Variants in PRKCE observed in about 807,000 individuals in gnomAD.
PRKCE encodes the protein protein kinase C epsilon, also known as protein kinase C epsilon type.
Under a neutral mutation model 85.4 loss-of-function variants are expected in PRKCE, and 16 were observed. That is an observed-to-expected ratio of 0.19 (90% confidence interval 0.13 to 0.28). PRKCE has a LOEUF of 0.28. Ranked by LOEUF, PRKCE falls within the 10% of genes least tolerant of loss-of-function variation. The probability of loss-of-function intolerance (pLI) is 1.00; values close to 1 mark genes in which losing one functional copy is unlikely to be tolerated. For missense variants in PRKCE, 573 were observed against 975.2 expected (o/e 0.59, Z 5.49); for synonymous variants, 388 against 371.5 (o/e 1.04, Z -0.51).
intron 11 of PRKCE, among the ~76,000 whole-genome samples, chr2:46,110,638 A>G (rs1320421709): frequency 2.0e-5 from 3 of 151,076 alleles, no homozygotes; most frequent in African/African-American, 7.3e-5. Flanking sequence ...TTTTTTTTAA[A>G]GCGGCTTTTG....
At chr2:46,081,530 A>G (rs1370295194) in intron 10 of PRKCE, among the ~76,000 whole-genome samples, 2 of 152,212 alleles carry the variant, frequency 1.3e-5, no homozygotes, top group African/African-American at 2.4e-5. Flanking sequence ...GAATGCTACA[A>G]CAGAGAGTGT....
At chr2:45,700,976 G>C (rs1028302412) in intron 1 of PRKCE, among the ~76,000 whole-genome samples, 9 of 152,190 alleles carry the variant, frequency 5.9e-5, no homozygotes, top group Non-Finnish European at 1.2e-4. Context: ...CTTGGAGGGA[G>C]TGTGGCCTTG....
intron 11 of PRKCE, among the ~76,000 whole-genome samples, chr2:46,109,352 G>C (rs1387676866): frequency 6.6e-6 from 1 of 152,056 alleles, no homozygotes; most frequent in Non-Finnish European, 1.5e-5. Context: ...TATTTATTTA[G>C]ATCTTCCTTG....
intron 2 of PRKCE, among the ~76,000 whole-genome samples, chr2:45,959,057 C>T (rs138449982): frequency 4.6e-5 from 7 of 151,168 alleles, no homozygotes; most frequent in African/African-American, 7.3e-5. Context: ...AATTAAGTTG[C>T]GGGTAGTTCT....
chr2:46,138,481 A>G lies in PRKCE; in HGVS notation c.1593-6612A>G, dbSNP rs1675207469. On this transcript the variant is annotated intron_variant, in intron 11 of 14. Coordinates refer to ENST00000306156, the MANE Select transcript of PRKCE (RefSeq NM_005400.3). The surrounding 1 kb of genome is among the most constrained non-coding windows in gnomAD (Gnocchi z 4.2). ...GAGGATGCCAATTAGCAGGGTTGGT[A>G]GAGTCAGGATTCCCATCTCCTAGGA... 6.6e-6 allele frequency among the ~76,000 whole-genome samples: 1 copy of G among 152,174 alleles called. No homozygotes were observed. Among genetic ancestry groups the G allele is most frequent in the Non-Finnish European group, 1.5e-5 (1 of 68,022 alleles).
intron 1 of PRKCE, among the ~76,000 whole-genome samples, chr2:45,811,097 C>G (rs1328683235): frequency 2.0e-5 from 3 of 152,152 alleles, no homozygotes; most frequent in Non-Finnish European, 4.4e-5. Flanking sequence ...CACCTAGTTA[C>G]AAGGGAGGTT....
At chr2:45,918,056 C>T (rs1401926479) in intron 2 of PRKCE, among the ~76,000 whole-genome samples, 3 of 152,234 alleles carry the variant, frequency 2.0e-5, no homozygotes, top group African/African-American at 7.2e-5. Flanking sequence ...GGCGCCTCTC[C>T]CTCCACACCT....
chr2:46,156,555 C>T (rs943230211), intron 13 of PRKCE, among the ~76,000 whole-genome samples: 21 of 152,314 alleles, frequency 1.4e-4, no homozygotes, highest in Admixed American at 1.2e-3. Flanking sequence ...CCGATGAGTA[C>T]AGGGCACCTG....
At chr2:45,682,388 T>C (rs2103951105) in intron 1 of PRKCE, among the ~76,000 whole-genome samples, 1 of 152,312 alleles carries the variant, frequency 6.6e-6, no homozygotes, top group African/African-American at 2.4e-5. Context: ...AGGGGGTAGT[T>C]TGGTTCCCAG....
intron 14 of PRKCE, among the ~76,000 whole-genome samples, chr2:46,179,760 A>T (rs1037447957): frequency 5.3e-5 from 8 of 152,058 alleles, no homozygotes; most frequent in Non-Finnish European, 1.0e-4. Context: ...GCCTAAGCCT[A>T]CCTGTTTTGC....
intron 1 of PRKCE, among the ~76,000 whole-genome samples, chr2:45,662,648 C>T (rs985059949): frequency 6.6e-6 from 1 of 151,652 alleles, no homozygotes; most frequent in Non-Finnish European, 1.5e-5. Context: ...TATTATTCTC[C>T]ATGAAGTTTA....
chr2:45,931,797 C>T (rs1055751496), intron 2 of PRKCE, among the ~76,000 whole-genome samples: 3 of 152,210 alleles, frequency 2.0e-5, no homozygotes, highest in Admixed American at 6.5e-5. Context: ...GCCTTCGCCT[C>T]CCGGGTTGCA....
chr2:45,978,425 C>G (rs1027339154), intron 3 of PRKCE: 2 of 153,246 alleles, frequency 1.3e-5, no homozygotes, highest in Non-Finnish European at 2.9e-5. Flanking sequence ...GGGAACACCA[C>G]TCTGGCCATG....
At chr2:45,901,521 CATTTAGAAGATCA>C (rs1179892101) in intron 2 of PRKCE, among the ~76,000 whole-genome samples, 2 of 152,156 alleles carry the variant, frequency 1.3e-5, no homozygotes, top group Non-Finnish European at 2.9e-5. Flanking sequence ...TTTAACTTGT[CATTTAGAAGATCA>C]GTCTATTTCA....
At chr2:46,171,544 C>T (rs1187957159) in intron 14 of PRKCE, among the ~76,000 whole-genome samples, 1 of 152,216 alleles carries the variant, frequency 6.6e-6, no homozygotes, top group Non-Finnish European at 1.5e-5. Flanking sequence ...AGGGGCACAG[C>T]CTCGGGGTCA....
At chr2:45,773,499 C>CA (rs1685504556) in intron 1 of PRKCE, among the ~76,000 whole-genome samples, 1 of 152,182 alleles carries the variant, frequency 6.6e-6, no homozygotes, top group Non-Finnish European at 1.5e-5. Flanking sequence ...TCCTGGGCAT[C>CA]AAGAGGTAGG....
intron 2 of PRKCE, among the ~76,000 whole-genome samples, chr2:45,882,804 C>T (rs1351102610): frequency 6.6e-6 from 1 of 152,248 alleles, no homozygotes; most frequent in Admixed American, 6.5e-5. Context: ...CTTAAATGTT[C>T]ACGTGTTACC....
At chr2:45,712,209 G>A (rs1371547923) in intron 1 of PRKCE, among the ~76,000 whole-genome samples, 3 of 132,448 alleles carry the variant, frequency 2.3e-5, no homozygotes, top group Non-Finnish European at 4.6e-5. Flanking sequence ...GTGCAGTGGT[G>A]CAATCTCGGC....
rs982523033 is a variant in PRKCE at position 45,654,396 on chromosome 2, A to G, written c.348+1948A>G. Among the ~76,000 whole-genome samples, 6 of 152,242 alleles carry G rather than the reference A, an allele frequency of 3.9e-5. No homozygotes were observed. The South Asian group carries it at 1.2e-3, about 31-fold the overall frequency. ...CATGTTGGATTTGGCCCTAGGCCAG[A>G]TCATCTAGTGCACAGGCAAGTTTTA... On this transcript the variant is annotated intron_variant, in intron 1 of 14. Coordinates refer to ENST00000306156, the MANE Select transcript of PRKCE (RefSeq NM_005400.3).
Sources: gnomAD v4.1 joint callset for allele counts (sites outside exome capture counted in the v4.1 genomes callset) on GRCh38, gnomAD v4.1.1 for gene constraint, Gnocchi (gnomAD v3.1) non-coding constraint, MANE v1.5 for transcripts, NCBI Gene and HGNC (gene_info 2026-07-23, HGNC 2026-07-21) for gene names.